TVP23A: variants seen among roughly 807,000 people sequenced by gnomAD.
TVP23A encodes the protein trans-golgi network vesicle protein 23 homolog A.
TVP23A carries 21 observed loss-of-function variants against 31.7 expected under a neutral mutation model. The ratio of observed to expected loss-of-function variants is 0.66; its 90% CI spans 0.47 to 0.95. TVP23A has a LOEUF of 0.95. TVP23A is among the 40% of genes least tolerant of loss of function. The probability of loss-of-function intolerance (pLI) is 0.00; values close to 1 mark genes in which losing one functional copy is unlikely to be tolerated. For synonymous variants in TVP23A, 104 were observed against 96.0 expected (o/e 1.08, Z -0.49); for missense variants, 279 against 255.6 (o/e 1.09, Z -0.62).
At chr16:10,758,262 C>T (rs1247602131), downstream of TVP23A, among the ~76,000 whole-genome samples, 1 of 152,078 alleles carries the variant, frequency 6.6e-6, no homozygotes, top group African/African-American at 2.4e-5. Flanking sequence ...CTTGAGCCCA[C>T]GAGTTCGGGA....
At chr16:10,807,577 G>A in intron 2 of TVP23A, among the ~76,000 whole-genome samples, 1 of 152,206 alleles carries the variant, frequency 6.6e-6, no homozygotes, top group East Asian at 1.9e-4. Flanking sequence ...TGTAGTGGGT[G>A]GGGGCTGGGG....
In TVP23A at chr16:10,774,944, G is replaced by A; in HGVS notation, c.234+8C>T. 6.2e-7 allele frequency: 1 copy of A among 1,611,470 alleles called. No individual in the cohort carries two copies. The highest frequency in any genetic ancestry group is 1.1e-5 in the South Asian group (1 of 90,700). On this transcript the variant is annotated splice_region_variant and intron_variant, in intron 3 of 7. Coordinates refer to ENST00000299866, the MANE Select transcript of TVP23A (RefSeq NM_001079512.4). ...CGGAAGTGATGACATCACACGAAAGGGCCTCACCTTCACAGACCAGAAGTC... is the reference window on the plus strand; with the variant it reads ...CGGAAGTGATGACATCACACGAAAGAGCCTCACCTTCACAGACCAGAAGTC...
At chr16:10,804,679 G>A (rs11864584) in intron 2 of TVP23A, among the ~76,000 whole-genome samples, 11,088 of 152,222 alleles carry the variant, frequency 0.073, 887 homozygotes, top group African/African-American at 0.2. Flanking sequence ...CCAGGAGCTC[G>A]AGGCTGCTGA....
chr16:10,809,299 G>A lies in TVP23A; in HGVS notation c.89+8804C>T, dbSNP rs140150282. Among the ~76,000 whole-genome samples the A allele has an allele frequency of 1.6e-3, 248 of 152,312 alleles. 3 individuals are homozygous for A. Among genetic ancestry groups the A allele is most frequent in the Admixed American group, 9.4e-3 (144 of 15,304 alleles). ...TCACTGTGAGTCAAGGGTTAACATC[G>A]GGCCTGGGCTGATGGGGGCCTGCCT... On this transcript the variant is annotated intron_variant, in intron 2 of 7. Coordinates refer to ENST00000299866, the MANE Select transcript of TVP23A (RefSeq NM_001079512.4).
At position 10,768,971 on chromosome 16, in the gene TVP23A, C is replaced by A; in HGVS notation, c.*131G>T. ...GATTCCACCCCTGTCAAAACACAGCCCTCCCCAGCACAGGACAGGGCTGTC... is the reference window on the plus strand; with the variant it reads ...GATTCCACCCCTGTCAAAACACAGCACTCCCCAGCACAGGACAGGGCTGTC... On this transcript the variant is annotated 3_prime_UTR_variant, in exon 8 of 8. Coordinates refer to ENST00000299866, the MANE Select transcript of TVP23A (RefSeq NM_001079512.4). This position sits in a 1 kb window ranked among gnomAD's most constrained non-coding sequence, Gnocchi z 4.3. The A allele has an allele frequency of 7.5e-7, 1 of 1,336,216 alleles. No homozygotes were observed. The highest frequency in any genetic ancestry group is 1.1e-6 in the Non-Finnish European group (1 of 933,254). The allele number at this position is 1,336,216 out of a possible 1,614,324, so 82.8% of individuals were successfully genotyped here.
chr16:10,798,837 T>A (rs914635545), intron 2 of TVP23A, among the ~76,000 whole-genome samples: 1 of 152,068 alleles, frequency 6.6e-6, no homozygotes, highest in African/African-American at 2.4e-5. Flanking sequence ...CTAATTTTTG[T>A]ATTTTTAGAA....
chr16:10,807,493 G>T (rs1248389616), intron 2 of TVP23A, among the ~76,000 whole-genome samples: 1 of 152,160 alleles, frequency 6.6e-6, no homozygotes, highest in Non-Finnish European at 1.5e-5. Flanking sequence ...GGGCAATGTG[G>T]CTGTGAGGGG....
downstream of TVP23A, among the ~76,000 whole-genome samples, chr16:10,760,314 T>C (rs960003698): frequency 1.3e-5 from 2 of 152,128 alleles, no homozygotes; most frequent in African/African-American, 4.8e-5. Context: ...GCATGGCTGG[T>C]TCCGGAGGAA....
rs1246654766 is a variant in TVP23A at position 10,818,162 on chromosome 16, C to G, written c.30G>C (p.Glu10Asp). The change falls in exon 2 of 8, where the codon GAG becomes GAC. Residue 10 changes from glutamate (E) to aspartate (D), a missense_variant. Coordinates refer to ENST00000299866, the MANE Select transcript of TVP23A (RefSeq NM_001079512.4). This position sits in a 1 kb window ranked among gnomAD's most constrained non-coding sequence, Gnocchi z 4.7. Reference sequence around the variant, plus strand: ...CGTTTCCAAAGTCCAGGGACACATCCTCGGTATCGTCCACCAGGGCCTGGG... The same window carrying G: ...CGTTTCCAAAGTCCAGGGACACATCGTCGGTATCGTCCACCAGGGCCTGGG... MKQALVDDTEDVSLDFGNEE... is the reference protein window; with the variant it reads MKQALVDDTDDVSLDFGNEE... 1 of 1,607,218 alleles carries G rather than the reference C, an allele frequency of 6.2e-7. No homozygotes were observed. The highest frequency in any genetic ancestry group is 8.5e-7 in the Non-Finnish European group (1 of 1,177,132).
At chr16:10,804,151 G>A (rs932612570) in intron 2 of TVP23A, among the ~76,000 whole-genome samples, 1 of 152,190 alleles carries the variant, frequency 6.6e-6, no homozygotes, top group African/African-American at 2.4e-5. Flanking sequence ...TGACCGTGGG[G>A]CTGGCCTATC....
intron 6 of TVP23A, among the ~76,000 whole-genome samples, chr16:10,770,868 CAAAAAAAAA>C (rs376701429): frequency 0.014 from 932 of 66,462 alleles, 22 homozygotes; most frequent in African/African-American, 0.044. Flanking sequence ...ACTCCCATCT[CAAAAAAAAA>C]AAAAAAAAAA....
At chr16:10,788,082 G>C (rs780754507) in intron 2 of TVP23A, among the ~76,000 whole-genome samples, 1 of 152,202 alleles carries the variant, frequency 6.6e-6, no homozygotes. Flanking sequence ...GGAGACAAAG[G>C]CATCAATCAA....
rs2034547593 is a variant in TVP23A, at chr16:10,818,548, C to A, written c.-55G>T. ...GGCCCGGGGCTCCAGCTCCGCCCGT[C>A]GCCGCTGAAGGGGTCGGACGCCGGG... On this transcript the variant is annotated 5_prime_UTR_variant, in exon 1 of 8. Transcript: ENST00000299866. This position sits in a 1 kb window ranked among gnomAD's most constrained non-coding sequence, Gnocchi z 4.7. 1 of 1,585,078 alleles carries A rather than the reference C, an allele frequency of 6.3e-7. No individual in the cohort carries two copies. Among genetic ancestry groups the A allele is most frequent in the African/African-American group, 1.3e-5 (1 of 74,266 alleles).
intron 2 of TVP23A, among the ~76,000 whole-genome samples, chr16:10,802,236 T>C (rs947986880): frequency 3.5e-5 from 5 of 142,506 alleles, no homozygotes; most frequent in Non-Finnish European, 7.7e-5. Flanking sequence ...TGAGTTTATA[T>C]GATACGTGTG....
In TVP23A at chr16:10,818,060, G is replaced by T; in HGVS notation, c.89+43C>A. ...AATGAGTGAGTAAATGAATGAATTT[G>T]CAGCTTTGGGGAACGCCTGACCCAA... On this transcript the variant is annotated intron_variant, in intron 2 of 7. Coordinates refer to ENST00000299866, the MANE Select transcript of TVP23A (RefSeq NM_001079512.4). This position sits in a 1 kb window ranked among gnomAD's most constrained non-coding sequence, Gnocchi z 4.7. 1 of 1,498,368 alleles carries T rather than the reference G, an allele frequency of 6.7e-7. No individual in the cohort carries two copies. The highest frequency in any genetic ancestry group is 9.2e-7 in the Non-Finnish European group (1 of 1,088,934). The allele number at this position is 1,498,368 out of a possible 1,614,324, so 92.8% of individuals were successfully genotyped here.
intron 2 of TVP23A, among the ~76,000 whole-genome samples, chr16:10,795,173 AAG>A (rs1251486447): frequency 6.6e-6 from 1 of 152,054 alleles, no homozygotes; most frequent in Admixed American, 6.6e-5. Context: ...AGCTAACTGA[AAG>A]AGGCTCCCAC....
Position 10,792,982 on chromosome 16 carries a change from T to C in TVP23A, c.90-17886A>G, listed in dbSNP as rs150530046. Among the ~76,000 whole-genome samples, 486 of 152,304 alleles carry C rather than the reference T, an allele frequency of 3.2e-3. 1 individual carries two copies. The highest frequency in any genetic ancestry group is 0.011 in the African/African-American group (467 of 41,578). Reference sequence around the variant, plus strand: ...GTTTTTTCCTCTTGTTTCTGTTCTTTATTTCTTTTTAAAGAGACATACCCA... The same window carrying C: ...GTTTTTTCCTCTTGTTTCTGTTCTTCATTTCTTTTTAAAGAGACATACCCA... On this transcript the variant is annotated intron_variant, in intron 2 of 7. Coordinates refer to ENST00000299866, the MANE Select transcript of TVP23A (RefSeq NM_001079512.4).
At chr16:10,776,442 T>A (rs1011699764) in intron 2 of TVP23A, among the ~76,000 whole-genome samples, 2 of 152,126 alleles carry the variant, frequency 1.3e-5, no homozygotes, top group African/African-American at 4.8e-5. Context: ...GAGCAGGTGA[T>A]GGCAGTGGGT....
At chr16:10,808,098 A>G (rs2034026739) in intron 2 of TVP23A, among the ~76,000 whole-genome samples, 1 of 152,038 alleles carries the variant, frequency 6.6e-6, no homozygotes, top group African/African-American at 2.4e-5. Context: ...TTTAATCTTG[A>G]CTCTGAGAAA....
Sources: allele counts gnomAD v4.1 joint callset (sites outside exome capture counted in the v4.1 genomes callset), GRCh38; gene constraint gnomAD v4.1.1; non-coding constraint Gnocchi (gnomAD v3.1); transcripts MANE v1.5; gene names NCBI Gene and HGNC (gene_info 2026-07-23, HGNC 2026-07-21).